UNC13C: variants seen among roughly 807,000 people sequenced by gnomAD.
The protein encoded by UNC13C is unc-13 homolog C.
A neutral mutation model predicts 245.4 loss-of-function variants in UNC13C; 174 were observed. That is an observed-to-expected ratio of 0.71 (90% CI 0.63 to 0.80). The LOEUF is 0.80. Ranked by LOEUF, UNC13C falls within the 30% of genes least tolerant of loss-of-function variation. The pLI is 0.00. For missense variants in UNC13C, 2,829 were observed against 2,602.9 expected, an observed-to-expected ratio of 1.09 and a Z score of -1.89; for synonymous variants, 992 against 895.1, an observed-to-expected ratio of 1.11 and a Z score of -1.93.
intron 4 of UNC13C, among the ~76,000 whole-genome samples, chr15:54,193,564 C>T (rs2034257602): frequency 6.6e-6 from 1 of 152,130 alleles, no homozygotes; most frequent in South Asian, 2.1e-4. Context: ...TCTGGTCCCA[C>T]CTACCAAAAA....
intron 1 of UNC13C, among the ~76,000 whole-genome samples, chr15:53,979,977 G>A (rs187802332): frequency 6.6e-6 from 1 of 152,230 alleles, no homozygotes; most frequent in East Asian, 1.9e-4. Context: ...GAATGAGAAA[G>A]TACTACATTT....
intron 2 of UNC13C, among the ~76,000 whole-genome samples, chr15:54,102,960 C>G (rs1260437359): frequency 6.6e-6 from 1 of 152,152 alleles, no homozygotes; most frequent in East Asian, 1.9e-4. Context: ...TTGCTGGAAG[C>G]CTGTTGGTGG....
At chr15:54,087,670 A>T (rs984919544) in intron 2 of UNC13C, among the ~76,000 whole-genome samples, 4 of 152,150 alleles carry the variant, frequency 2.6e-5, no homozygotes, top group Non-Finnish European at 4.4e-5. Flanking sequence ...TACCACTGAG[A>T]GGGGCCTAGA....
chr15:54,376,772 C>T lies in UNC13C; in HGVS notation c.4714-16276C>T, dbSNP rs540308529. On this transcript the variant is annotated intron_variant, in intron 17 of 32. Transcript: ENST00000260323. ...AGAACCCATTGAAAACCACATGAAA[C>T]ATATTTGAGAATTGTCCCAGTGGAA... Among the ~76,000 whole-genome samples, 20 of 152,272 alleles carry T rather than the reference C, an allele frequency of 1.3e-4. No homozygotes were observed. In the East Asian group the frequency reaches 3.1e-3, roughly 24 times the overall value.
chr15:53,839,982 AT>A, the UNC13C span, among the ~76,000 whole-genome samples: 1 of 152,038 alleles, frequency 6.6e-6, no homozygotes, highest in African/African-American at 2.4e-5. Context: ...CATTCTTCCC[AT>A]CCCCCAATTA....
At chr15:54,322,552 T>C (rs1188117045) in intron 14 of UNC13C, among the ~76,000 whole-genome samples, 1 of 151,958 alleles carries the variant, frequency 6.6e-6, no homozygotes, top group South Asian at 2.1e-4. Flanking sequence ...AAGTAAAACA[T>C]GGCATGTGTT....
chr15:54,437,936 A>T (rs1001433734), intron 19 of UNC13C, among the ~76,000 whole-genome samples: 5 of 151,952 alleles, frequency 3.3e-5, no homozygotes, highest in African/African-American at 1.2e-4. Context: ...TGTCATTCCT[A>T]TGTCCTTTAA....
rs933069828 is a variant in UNC13C at position 54,300,115 on chromosome 15, A to G, written c.4105-95A>G. On this transcript the variant is annotated intron_variant, in intron 12 of 32. Transcript: ENST00000260323. ...AGATGCTGATGAAACATTAGAGGCA[A>G]TGACAGTGCAAGAGCATTTTACTGG... is the stretch of plus-strand genomic sequence containing the variant. 5 of 1,123,724 alleles carry G rather than the reference A, an allele frequency of 4.4e-6. No homozygotes were observed. The African/African-American group carries it at 6.3e-5, about 14-fold the overall frequency. 69.6% of individuals were successfully genotyped at this position (1,123,724 alleles called of 1,614,324 possible).
At chr15:54,180,876 T>C (rs1344792369) in intron 4 of UNC13C, among the ~76,000 whole-genome samples, 2 of 152,066 alleles carry the variant, frequency 1.3e-5, no homozygotes, top group East Asian at 1.9e-4. Flanking sequence ...AAGCATCTTA[T>C]AGACTCCTGA....
At chr15:53,854,881 T>C in the UNC13C span, among the ~76,000 whole-genome samples, 8 of 152,214 alleles carry the variant, frequency 5.3e-5, no homozygotes, top group African/African-American at 1.4e-4. Context: ...TAAATTACTT[T>C]GGGTAGTATG....
intron 2 of UNC13C, among the ~76,000 whole-genome samples, chr15:54,096,440 G>T (rs1899868012): frequency 6.6e-6 from 1 of 152,012 alleles, no homozygotes; most frequent in Non-Finnish European, 1.5e-5. Context: ...AGCCTGTTCT[G>T]GAGAAGTGCC....
intron 4 of UNC13C, among the ~76,000 whole-genome samples, chr15:54,158,689 A>C (rs2032853677): frequency 6.7e-6 from 1 of 150,154 alleles, no homozygotes; most frequent in Non-Finnish European, 1.5e-5. Context: ...TCTTGCTGTC[A>C]CTCAGGCTGG....
At chr15:53,959,619 G>A in the UNC13C span, among the ~76,000 whole-genome samples, 5 of 152,134 alleles carry the variant, frequency 3.3e-5, no homozygotes, top group East Asian at 9.7e-4. Context: ...GGTTTTCAGG[G>A]CTCAAAGACC....
the UNC13C span, chr15:53,948,753 G>T: frequency 6.6e-6 from 1 of 151,992 alleles, no homozygotes; most frequent in African/African-American, 2.4e-5. Context: ...GTAGGAATTA[G>T]CCAGGTGAGG....
chr15:53,940,168 G>C, the UNC13C span, among the ~76,000 whole-genome samples: 1 of 152,136 alleles, frequency 6.6e-6, no homozygotes, highest in Admixed American at 6.6e-5. Context: ...GCTTAGAAAT[G>C]TAAAAAGGTT....
chr15:54,618,360 G>A (rs1163043387), intron 30 of UNC13C, among the ~76,000 whole-genome samples: 1 of 152,108 alleles, frequency 6.6e-6, no homozygotes, highest in Non-Finnish European at 1.5e-5. Flanking sequence ...CACACAGATG[G>A]TGATTTCACA....
Position 54,235,018 on chromosome 15 carries a change from T to G in UNC13C, c.3072-12T>G. The G allele has an allele frequency of 1.2e-6, 2 of 1,613,478 alleles. No homozygotes were observed. Among genetic ancestry groups the G allele is most frequent in the Middle Eastern group, 3.3e-4 (2 of 6,062 alleles). On this transcript the variant is annotated splice_polypyrimidine_tract_variant and intron_variant, in intron 4 of 32. Transcript: ENST00000260323. ...TACCCATTGCAATTATTGGTTTTAT[T>G]TTGTCTTTCAGGGCTGGAGGTGGAC...
chr15:54,259,319 A>G (rs1234634159), intron 8 of UNC13C, among the ~76,000 whole-genome samples: 1 of 152,252 alleles, frequency 6.6e-6, no homozygotes, highest in East Asian at 1.9e-4. Context: ...CTGCTGATAA[A>G]GACATACCCA....
At chr15:54,153,384 A>G (rs1187598084) in intron 4 of UNC13C, among the ~76,000 whole-genome samples, 1 of 152,102 alleles carries the variant, frequency 6.6e-6, no homozygotes, top group African/African-American at 2.4e-5. Flanking sequence ...AGCATTCTTT[A>G]GCATTACTTC....
Sources: allele counts gnomAD v4.1 joint callset (sites outside exome capture counted in the v4.1 genomes callset), GRCh38; gene constraint gnomAD v4.1.1; transcripts MANE v1.5; gene names NCBI Gene and HGNC (gene_info 2026-07-23, HGNC 2026-07-21).